PLXDC2: variants seen among roughly 807,000 people sequenced by gnomAD.
PLXDC2 encodes plexin domain containing 2.
Under a neutral mutation model 68.9 loss-of-function variants are expected in PLXDC2, and 40 were observed. That is an observed-to-expected ratio of 0.58 (90% CI 0.45 to 0.76). The LOEUF is 0.76. PLXDC2 is among the 30% of genes least tolerant of loss of function. The pLI is 0.00. For synonymous variants in PLXDC2, 243 were observed against 234.2 expected (o/e 1.04, Z -0.34); for missense variants, 644 against 661.9 (o/e 0.97, Z 0.30).
intron 1 of PLXDC2, among the ~76,000 whole-genome samples, chr10:19,884,651 A>T (rs957762790): frequency 1.3e-5 from 2 of 152,070 alleles, no homozygotes; most frequent in Admixed American, 1.3e-4. Flanking sequence ...ATGATTTCCA[A>T]TTTCATCCAT....
At chr10:20,118,746 A>G (rs989251935) in intron 4 of PLXDC2, among the ~76,000 whole-genome samples, 4 of 152,202 alleles carry the variant, frequency 2.6e-5, no homozygotes, top group African/African-American at 9.7e-5. Context: ...ATAAACCACC[A>G]TATTCCAGGG....
chr10:20,003,569 A>AT (rs1190871034), intron 2 of PLXDC2, among the ~76,000 whole-genome samples: 1 of 152,030 alleles, frequency 6.6e-6, no homozygotes, highest in African/African-American at 2.4e-5. Flanking sequence ...AGTAGCTGGG[A>AT]TTACAGGTGT....
chr10:20,192,275 A>G (rs1281618767), intron 9 of PLXDC2, among the ~76,000 whole-genome samples: 2 of 152,044 alleles, frequency 1.3e-5, no homozygotes, highest in Non-Finnish European at 2.9e-5. Context: ...AGTTGTGTCC[A>G]TCAGGAAAGG....
chr10:19,919,802 CACA>C (rs1306594537), intron 1 of PLXDC2, among the ~76,000 whole-genome samples: 1 of 152,156 alleles, frequency 6.6e-6, no homozygotes, highest in East Asian at 1.9e-4. Flanking sequence ...CTAGACACAA[CACA>C]ACAAGGTGAT....
chr10:19,839,383 T>C (rs565828350), intron 1 of PLXDC2, among the ~76,000 whole-genome samples: 7 of 152,108 alleles, frequency 4.6e-5, no homozygotes, highest in Admixed American at 4.6e-4. Flanking sequence ...TTTTTAAGCT[T>C]ATCAGCTATC....
chr10:20,163,913 T>A (rs1184084056), intron 6 of PLXDC2, among the ~76,000 whole-genome samples: 2 of 152,226 alleles, frequency 1.3e-5, no homozygotes, highest in East Asian at 3.9e-4. Flanking sequence ...CATAGTAGTT[T>A]CAACCAGAAT....
intron 5 of PLXDC2, among the ~76,000 whole-genome samples, chr10:20,145,103 C>T (rs1013558623): frequency 3.3e-5 from 5 of 151,998 alleles, no homozygotes; most frequent in African/African-American, 1.2e-4. Context: ...AATAATTATT[C>T]AATGAATGAA....
rs78239702 is a variant in PLXDC2 at position 19,849,904 on chromosome 10, G to T, written c.112+32713G>T. Among the ~76,000 whole-genome samples the T allele has an allele frequency of 6.5e-3, 985 of 152,278 alleles. 9 individuals are homozygous for T. Among genetic ancestry groups the T allele is most frequent in the Admixed American group, 0.011 (175 of 15,290 alleles). ...TAAATTGCAGTAGAGATTTTCCAAA[G>T]TTCTTCCTAAAGGGAGGTCTGCTTC... On this transcript the variant is annotated intron_variant, in intron 1 of 13. Transcript: ENST00000377252.
chr10:20,200,526 CAT>C (rs1834903055), intron 9 of PLXDC2, among the ~76,000 whole-genome samples: 1 of 151,926 alleles, frequency 6.6e-6, no homozygotes, highest in Non-Finnish European at 1.5e-5. Flanking sequence ...CAAAAACAAA[CAT>C]AAACAATTGG....
intron 1 of PLXDC2, among the ~76,000 whole-genome samples, chr10:19,877,381 C>G (rs1310617258): frequency 6.6e-6 from 1 of 152,320 alleles, no homozygotes; most frequent in African/African-American, 2.4e-5. Context: ...GCCCCCATAA[C>G]TCAGTCTCCC....
At chr10:20,000,084 G>A (rs149906359) in intron 1 of PLXDC2, among the ~76,000 whole-genome samples, 1 of 151,986 alleles carries the variant, frequency 6.6e-6, no homozygotes, top group Non-Finnish European at 1.5e-5. Context: ...CAATTCATTC[G>A]TCCACTCATT....
chr10:20,038,850 G>T (rs1279044016), intron 2 of PLXDC2, among the ~76,000 whole-genome samples: 1 of 152,100 alleles, frequency 6.6e-6, no homozygotes, highest in Admixed American at 6.6e-5. Flanking sequence ...TGGAGATTCA[G>T]GGGTGGGAAC....
rs572464120 is a variant in PLXDC2, at chr10:20,129,890, C to T, written c.542-13405C>T. 4.6e-5 allele frequency among the ~76,000 whole-genome samples: 7 copies of T among 152,130 alleles called. No homozygotes were observed. In the South Asian group the frequency reaches 1.5e-3, roughly 32 times the overall value. ...CTGTGTGACTGTTTTCATTCCAGAACCATTCTGTTTTGATTTCTGTAGCTT... is the reference window on the plus strand; with the variant it reads ...CTGTGTGACTGTTTTCATTCCAGAATCATTCTGTTTTGATTTCTGTAGCTT... On this transcript the variant is annotated intron_variant, in intron 4 of 13. Transcript: ENST00000377252.
intron 4 of PLXDC2, among the ~76,000 whole-genome samples, chr10:20,122,032 G>T (rs1833704963): frequency 6.6e-6 from 1 of 151,778 alleles, no homozygotes; most frequent in Non-Finnish European, 1.5e-5. Flanking sequence ...TACAAGAGGA[G>T]GACGCAAAGG....
At chr10:20,029,741 G>A (rs1031459053) in intron 2 of PLXDC2, among the ~76,000 whole-genome samples, 4 of 152,062 alleles carry the variant, frequency 2.6e-5, no homozygotes, top group Admixed American at 1.3e-4. Flanking sequence ...ACCATATTAC[G>A]AAAATATTTG....
intron 4 of PLXDC2, among the ~76,000 whole-genome samples, chr10:20,072,427 AAAGAAAG>A (rs1187832330): frequency 1.3e-5 from 2 of 149,118 alleles, no homozygotes; most frequent in Non-Finnish European, 3.0e-5. Flanking sequence ...AGAAAGAGAG[AAAGAAAG>A]AAGAAAGAAG....
At chr10:20,215,744 G>T (rs558877116) in intron 10 of PLXDC2, among the ~76,000 whole-genome samples, 1 of 152,044 alleles carries the variant, frequency 6.6e-6, no homozygotes, top group African/African-American at 2.4e-5. Flanking sequence ...GAAAGAATAG[G>T]TCAGCCCAGA....
chr10:20,272,728 C>G (rs1008221314), intron 13 of PLXDC2, among the ~76,000 whole-genome samples: 2 of 152,206 alleles, frequency 1.3e-5, no homozygotes, highest in Non-Finnish European at 2.9e-5. Context: ...ATTCTAAACT[C>G]TGTTAGTGAT....
chr10:19,908,966 T>A (rs181543247), intron 1 of PLXDC2, among the ~76,000 whole-genome samples: 10 of 152,310 alleles, frequency 6.6e-5, no homozygotes, highest in Admixed American at 5.9e-4. Context: ...TTGATTATAA[T>A]TTGACCACCA....
Sources: allele counts gnomAD v4.1 joint callset (sites outside exome capture counted in the v4.1 genomes callset), GRCh38; gene constraint gnomAD v4.1.1; transcripts MANE v1.5; gene names NCBI Gene and HGNC (gene_info 2026-07-23, HGNC 2026-07-21).